Variants in NALF1 observed in about 807,000 individuals in gnomAD.
The protein encoded by NALF1 is NALCN channel auxiliary factor 1.
In NALF1, 3 loss-of-function variants were observed where a neutral mutation model predicts 48.4. The ratio of observed to expected loss-of-function variants is 0.06; its 90% CI spans 0.03 to 0.16. The LOEUF (loss-of-function observed/expected upper bound fraction) is 0.16, where lower values mean the gene tolerates loss of function less well. NALF1 is among the 10% of genes least tolerant of loss of function. NALF1 has a pLI of 1.00. For missense variants in NALF1, 526 were observed against 571.5 expected, an observed-to-expected ratio of 0.92 and a Z score of 0.81; for synonymous variants, 262 against 245.7, an observed-to-expected ratio of 1.07 and a Z score of -0.62.
At chr13:107,861,996 T>C (rs1880582850) in intron 1 of NALF1, among the ~76,000 whole-genome samples, 1 of 152,210 alleles carries the variant, frequency 6.6e-6, no homozygotes, top group Admixed American at 6.5e-5. Context: ...AAATAAGCAA[T>C]ATAATCTGCT....
intron 1 of NALF1, among the ~76,000 whole-genome samples, chr13:107,369,306 T>C (rs1002920390): frequency 6.6e-6 from 1 of 152,184 alleles, no homozygotes; most frequent in Non-Finnish European, 1.5e-5. Flanking sequence ...AATCTCAGTA[T>C]CTTTCCTTAT....
chr13:107,599,349 G>C (rs1878854599), intron 1 of NALF1, among the ~76,000 whole-genome samples: 1 of 151,126 alleles, frequency 6.6e-6, no homozygotes, highest in Admixed American at 6.6e-5. Context: ...ATGAACCTGG[G>C]AGGCGGAGCT....
chr13:107,699,496 T>C (rs576388172), intron 1 of NALF1, among the ~76,000 whole-genome samples: 2 of 152,238 alleles, frequency 1.3e-5, no homozygotes, highest in East Asian at 3.9e-4. Flanking sequence ...TCCAGCAACA[T>C]TTATGTCAAG....
intron 1 of NALF1, among the ~76,000 whole-genome samples, chr13:107,804,303 C>T (rs1004856861): frequency 7.9e-5 from 12 of 152,122 alleles, no homozygotes; most frequent in Non-Finnish European, 1.5e-5. Flanking sequence ...AGTTATGCTC[C>T]AGTGCTTCCC....
chr13:107,515,501 C>T (rs1207693109), intron 1 of NALF1, among the ~76,000 whole-genome samples: 1 of 152,174 alleles, frequency 6.6e-6, no homozygotes, highest in Admixed American at 6.5e-5. Flanking sequence ...ACTTAGCTAA[C>T]CAGAGACCTG....
At position 107,239,305 on chromosome 13, in the gene NALF1, G is replaced by A. The variant is rs75685737; in HGVS notation, c.916-28550C>T. Among the ~76,000 whole-genome samples the A allele has an allele frequency of 7.4e-3, 1,132 of 152,226 alleles. 11 individuals carry two copies. The highest frequency in any genetic ancestry group is 0.025 in the African/African-American group (1,052 of 41,544). On this transcript the variant is annotated intron_variant, in intron 1 of 2. Transcript: ENST00000375915. The stretch of plus-strand genomic sequence containing the variant: ...CCTGGAGAAGCTAATGTTCGGTGCC[G>A]CTCTCCTGCCTGTGGTGTTGCCGGT...
At chr13:107,367,291 CA>C (rs1471118568) in intron 1 of NALF1, among the ~76,000 whole-genome samples, 67 of 152,260 alleles carry the variant, frequency 4.4e-4, no homozygotes, top group African/African-American at 1.5e-3. Flanking sequence ...TAGAGAGAGC[CA>C]CTGATCACTC....
chr13:107,556,248 G>A, intron 1 of NALF1, among the ~76,000 whole-genome samples: 1 of 147,064 alleles, frequency 6.8e-6, no homozygotes, highest in Non-Finnish European at 1.5e-5. Flanking sequence ...TCAGAGATGT[G>A]CCTCTCCTCT....
At chr13:107,621,801 T>A (rs1287925809) in intron 1 of NALF1, among the ~76,000 whole-genome samples, 3 of 152,126 alleles carry the variant, frequency 2.0e-5, no homozygotes, top group Non-Finnish European at 4.4e-5. Context: ...GGCCTTCTGA[T>A]CACAGCTGAG....
intron 1 of NALF1, among the ~76,000 whole-genome samples, chr13:107,742,378 T>C (rs147631061): frequency 2.6e-5 from 4 of 152,278 alleles, no homozygotes; most frequent in Non-Finnish European, 5.9e-5. Context: ...GTTCCCATAA[T>C]CCCCATGTGT....
At chr13:107,757,544 C>A (rs191350701) in intron 1 of NALF1, among the ~76,000 whole-genome samples, 1 of 150,728 alleles carries the variant, frequency 6.6e-6, no homozygotes, top group Non-Finnish European at 1.5e-5. Flanking sequence ...CAGTAAGGAG[C>A]CATGGTTAAT....
intron 1 of NALF1, among the ~76,000 whole-genome samples, chr13:107,477,690 C>CT (rs903908830): frequency 2.0e-4 from 30 of 151,812 alleles, no homozygotes; most frequent in African/African-American, 4.6e-4. Flanking sequence ...TTCCAGGACT[C>CT]TTTTTTTTAA....
At chr13:107,671,846 G>A (rs932961300) in intron 1 of NALF1, among the ~76,000 whole-genome samples, 16 of 152,196 alleles carry the variant, frequency 1.1e-4, no homozygotes, top group African/African-American at 3.8e-4. Flanking sequence ...TCCTATGCCT[G>A]GAAGAATATA....
At chr13:107,774,646 G>T (rs983327440) in intron 1 of NALF1, among the ~76,000 whole-genome samples, 1 of 152,136 alleles carries the variant, frequency 6.6e-6, no homozygotes, top group African/African-American at 2.4e-5. Context: ...TTTCTATTAT[G>T]TGCAAGGCTT....
chr13:107,170,640 G>A lies in NALF1; in HGVS notation c.1234C>T (p.Leu412=). ...TSLTVSSATR[L]CNSRLKLCVL... ...CACAGCTTGAGTCTGCTGTTGCACAGTCTTGTTGCTGATGACACTGTGAGC... is the reference window on the plus strand; with the variant it reads ...CACAGCTTGAGTCTGCTGTTGCACAATCTTGTTGCTGATGACACTGTGAGC... Residue 412 remains leucine (L), a synonymous_variant, in exon 3 of 3, where the codon CTG becomes TTG. Coordinates refer to ENST00000375915, the MANE Select transcript of NALF1 (RefSeq NM_001080396.3). 6.2e-7 allele frequency: 1 copy of A among 1,614,208 alleles called. No homozygotes were observed.
intron 1 of NALF1, among the ~76,000 whole-genome samples, chr13:107,350,494 AAACAATC>A (rs1386621441): frequency 1.3e-5 from 2 of 152,218 alleles, no homozygotes; most frequent in Non-Finnish European, 2.9e-5. Context: ...GAGAAACTTA[AAACAATC>A]AGTGAAGCTG....
chr13:107,589,331 A>G (rs1878542251), intron 1 of NALF1, among the ~76,000 whole-genome samples: 1 of 152,032 alleles, frequency 6.6e-6, no homozygotes, highest in African/African-American at 2.4e-5. Flanking sequence ...AGCAAATTCC[A>G]AGTGTCTAAA....
At chr13:107,620,800 G>A (rs1879499052) in intron 1 of NALF1, among the ~76,000 whole-genome samples, 1 of 152,202 alleles carries the variant, frequency 6.6e-6, no homozygotes, top group South Asian at 2.1e-4. Context: ...AGAGAAGTCT[G>A]GAATTGTCTG....
At chr13:107,852,556 T>C (rs969874164) in intron 1 of NALF1, among the ~76,000 whole-genome samples, 3 of 152,228 alleles carry the variant, frequency 2.0e-5, no homozygotes, top group African/African-American at 4.8e-5. Context: ...ACAATGATCA[T>C]ATCCTTTGCA....
Sources: allele counts gnomAD v4.1 joint callset (sites outside exome capture counted in the v4.1 genomes callset), GRCh38; gene constraint gnomAD v4.1.1; transcripts MANE v1.5; gene names NCBI Gene and HGNC (gene_info 2026-07-23, HGNC 2026-07-21).